The following PTPRD variants were observed in gnomAD, a reference collection of about 807,000 sequenced individuals.
PTPRD encodes the protein receptor-type tyrosine-protein phosphatase delta.
PTPRD carries 34 observed loss-of-function variants against 214.5 expected under a neutral mutation model. That is an observed-to-expected ratio of 0.16 (90% CI 0.12 to 0.21). PTPRD has a LOEUF of 0.21. Ranked by LOEUF, PTPRD falls within the 10% of genes least tolerant of loss-of-function variation. The pLI, the probability that PTPRD is intolerant of heterozygous loss-of-function variation, is 1.00. For missense variants in PTPRD, 2,545 were observed against 2,398.7 expected (o/e 1.06, Z -1.27); for synonymous variants, 1,128 against 845.7 (o/e 1.33, Z -5.79).
intron 3 of PTPRD, among the ~76,000 whole-genome samples, chr9:10,259,061 C>T (rs2093501006): frequency 1.3e-5 from 2 of 152,100 alleles, no homozygotes; most frequent in South Asian, 2.1e-4. Flanking sequence ...CTCACTCTGT[C>T]GCCCAGGCTG....
intron 3 of PTPRD, among the ~76,000 whole-genome samples, chr9:10,230,074 G>A (rs1258277769): frequency 6.6e-6 from 1 of 151,962 alleles, no homozygotes; most frequent in Non-Finnish European, 1.5e-5. Context: ...TGGTGCATTA[G>A]TCAGAGACCT....
At chr9:9,801,285 G>C (rs899197105) in intron 5 of PTPRD, among the ~76,000 whole-genome samples, 2 of 151,740 alleles carry the variant, frequency 1.3e-5, no homozygotes, top group Non-Finnish European at 2.9e-5. Flanking sequence ...CTAGCTTTAA[G>C]CTGACCCACT....
At chr9:9,967,942 A>T (rs986377652) in intron 4 of PTPRD, among the ~76,000 whole-genome samples, 1 of 152,160 alleles carries the variant, frequency 6.6e-6, no homozygotes, top group Non-Finnish European at 1.5e-5. Context: ...ATATTAAGAA[A>T]AATTTGTCAC....
intron 2 of PTPRD, among the ~76,000 whole-genome samples, chr9:10,504,272 T>C (rs1426035792): frequency 1.3e-5 from 2 of 151,994 alleles, no homozygotes; most frequent in South Asian, 2.1e-4. Flanking sequence ...AGTCTTAAAA[T>C]GAACATCACT....
At chr9:8,568,772 A>G (rs187562561) in intron 14 of PTPRD, among the ~76,000 whole-genome samples, 2 of 152,174 alleles carry the variant, frequency 1.3e-5, no homozygotes, top group East Asian at 3.9e-4. Flanking sequence ...GAGGCATAAC[A>G]GTCTCCATTT....
At chr9:10,578,857 G>A (rs897407369) in intron 2 of PTPRD, among the ~76,000 whole-genome samples, 2 of 151,782 alleles carry the variant, frequency 1.3e-5, no homozygotes, top group African/African-American at 4.8e-5. Flanking sequence ...GTACCCAATA[G>A]TCGTGTTTTG....
chr9:8,347,144 T>A (rs558274573), intron 39 of PTPRD, among the ~76,000 whole-genome samples: 1 of 152,056 alleles, frequency 6.6e-6, no homozygotes, highest in African/African-American at 2.4e-5. Flanking sequence ...AGTGACCTCA[T>A]GTTTGTAGCT....
intron 11 of PTPRD, among the ~76,000 whole-genome samples, chr9:8,761,618 T>G (rs2094420811): frequency 6.6e-6 from 1 of 151,848 alleles, no homozygotes; most frequent in African/African-American, 2.4e-5. Context: ...TCCTAAGGAG[T>G]TACAATCCTA....
chr9:9,937,632 C>A (rs970390007), intron 5 of PTPRD, among the ~76,000 whole-genome samples: 1 of 151,984 alleles, frequency 6.6e-6, no homozygotes, highest in African/African-American at 2.4e-5. Context: ...CATAAATAGA[C>A]CAAATACTTA....
chr9:9,407,677 A>G (rs1449053678), intron 8 of PTPRD, among the ~76,000 whole-genome samples: 1 of 151,722 alleles, frequency 6.6e-6, no homozygotes, highest in African/African-American at 2.4e-5. Flanking sequence ...CGCTGCTAAG[A>G]CTCAGTTTCT....
At chr9:8,940,589 C>A (rs920327268) in intron 11 of PTPRD, among the ~76,000 whole-genome samples, 2 of 151,676 alleles carry the variant, frequency 1.3e-5, no homozygotes, top group East Asian at 3.9e-4. Context: ...CCACCGCACC[C>A]AGCCTGCACA....
At chr9:9,132,592 C>A (rs2099844464) in intron 10 of PTPRD, among the ~76,000 whole-genome samples, 1 of 152,162 alleles carries the variant, frequency 6.6e-6, no homozygotes. Flanking sequence ...ACATAGTATT[C>A]TCATTCTATT....
At chr9:9,030,885 C>A (rs981244790) in intron 10 of PTPRD, among the ~76,000 whole-genome samples, 2 of 151,794 alleles carry the variant, frequency 1.3e-5, no homozygotes, top group African/African-American at 4.8e-5. Flanking sequence ...CCTTGAGGAC[C>A]TTAGATTCAT....
intron 3 of PTPRD, among the ~76,000 whole-genome samples, chr9:10,289,037 T>A (rs952692345): frequency 2.8e-4 from 42 of 148,798 alleles, no homozygotes; most frequent in African/African-American, 7.8e-4. Flanking sequence ...TTTTTTTTTT[T>A]ATTTCTTTTT....
chr9:10,597,163 A>G (rs1024475865), intron 2 of PTPRD, among the ~76,000 whole-genome samples: 2 of 151,592 alleles, frequency 1.3e-5, no homozygotes, highest in African/African-American at 4.8e-5. Context: ...ATGCTTTATT[A>G]CGAATAGTAC....
At chr9:8,594,824 T>C (rs1594813592) in intron 14 of PTPRD, among the ~76,000 whole-genome samples, 1 of 151,760 alleles carries the variant, frequency 6.6e-6, no homozygotes, top group Non-Finnish European at 1.5e-5. Flanking sequence ...TATTTCTTTA[T>C]AGCAGTATGA....
At chr9:10,368,353 G>T (rs2097550972) in intron 2 of PTPRD, among the ~76,000 whole-genome samples, 1 of 152,030 alleles carries the variant, frequency 6.6e-6, no homozygotes, top group South Asian at 2.1e-4. Flanking sequence ...CTTAGAAATG[G>T]ATTTTCTTTG....
intron 7 of PTPRD, among the ~76,000 whole-genome samples, chr9:9,666,572 G>T (rs1192640262): frequency 6.6e-6 from 1 of 151,830 alleles, no homozygotes; most frequent in Non-Finnish European, 1.5e-5. Flanking sequence ...TCATCATCAT[G>T]GCATGTGTCT....
At chr9:10,005,257 G>A (rs1206534226) in intron 4 of PTPRD, among the ~76,000 whole-genome samples, 2 of 152,014 alleles carry the variant, frequency 1.3e-5, no homozygotes, top group Non-Finnish European at 2.9e-5. Context: ...AAGTAAAAGA[G>A]ACCTTAAAAC....
Sources: gnomAD v4.1 joint callset for allele counts (sites outside exome capture counted in the v4.1 genomes callset) on GRCh38, gnomAD v4.1.1 for gene constraint, MANE v1.5 for transcripts, NCBI Gene and HGNC (gene_info 2026-07-23, HGNC 2026-07-21) for gene names.